DDAH1: variants seen among roughly 807,000 people sequenced by gnomAD.
DDAH1 encodes the protein dimethylarginine dimethylaminohydrolase 1.
Under a neutral mutation model 28.8 loss-of-function variants are expected in DDAH1, and 19 were observed. The ratio of observed to expected loss-of-function variants is 0.66; its 90% CI spans 0.46 to 0.97. DDAH1 has a LOEUF of 0.97. Among genes scored for constraint, DDAH1 ranks in the 50% least tolerant of loss-of-function variants. DDAH1 has a pLI of 0.00. For synonymous variants in DDAH1, 153 were observed against 154.4 expected (o/e 0.99, Z 0.07); for missense variants, 326 against 375.9 (o/e 0.87, Z 1.10).
intron 1 of DDAH1, among the ~76,000 whole-genome samples, chr1:85,539,088 A>C (rs1438591502): frequency 6.6e-6 from 1 of 151,916 alleles, no homozygotes; most frequent in Non-Finnish European, 1.5e-5. Flanking sequence ...CTCTAATATT[A>C]CATGTTTAGT....
intron 1 of DDAH1, among the ~76,000 whole-genome samples, chr1:85,369,319 A>G (rs1650253475): frequency 6.7e-6 from 1 of 149,184 alleles, no homozygotes; most frequent in African/African-American, 2.5e-5. Flanking sequence ...GACTCTCTGT[A>G]TATGTTTACT....
chr1:85,436,503 T>C (rs1653950593), intron 1 of DDAH1, among the ~76,000 whole-genome samples: 1 of 152,216 alleles, frequency 6.6e-6, no homozygotes, highest in Admixed American at 6.5e-5. Context: ...AGAAAGCATG[T>C]ACTGCTGATG....
chr1:85,460,550 G>A (rs922396012), intron 1 of DDAH1, among the ~76,000 whole-genome samples: 1 of 152,134 alleles, frequency 6.6e-6, no homozygotes, highest in Admixed American at 6.5e-5. Flanking sequence ...TAAAATAGCT[G>A]TTAAAAAGGA....
intron 1 of DDAH1, among the ~76,000 whole-genome samples, chr1:85,499,583 G>C (rs939281173): frequency 1.3e-5 from 2 of 151,834 alleles, no homozygotes; most frequent in African/African-American, 2.4e-5. Flanking sequence ...GCTGAGGCAG[G>C]AGAATTGCTT....
chr1:85,379,786 A>C, intron 1 of DDAH1: 1 of 834,000 alleles, frequency 1.2e-6, no homozygotes, highest in Non-Finnish European at 1.4e-6. Context: ...TTAATCACCA[A>C]CCTTGGAATC....
chr1:85,558,321 G>A (rs533699966), intron 1 of DDAH1, among the ~76,000 whole-genome samples: 5 of 152,186 alleles, frequency 3.3e-5, no homozygotes, highest in South Asian at 4.1e-4. Context: ...AAGATCGCAC[G>A]ACTGCACTCC....
At chr1:85,559,701 T>C (rs1659086484) in intron 1 of DDAH1, among the ~76,000 whole-genome samples, 4 of 151,920 alleles carry the variant, frequency 2.6e-5, no homozygotes, top group Admixed American at 1.3e-4. Context: ...AAGATTTCAC[T>C]GGATGAGTGT....
intron 1 of DDAH1, among the ~76,000 whole-genome samples, chr1:85,403,244 T>C (rs12124072): frequency 3.3e-5 from 5 of 150,164 alleles, no homozygotes; most frequent in Admixed American, 1.3e-4. Context: ...TGTGTATATA[T>C]ACACACACAC....
At chr1:85,465,277 G>C, upstream of DDAH1, 4 of 1,017,160 alleles carry the variant, frequency 3.9e-6, no homozygotes, top group Non-Finnish European at 4.8e-6. Flanking sequence ...CGCGGGTCTC[G>C]CGCCAGCCCA....
chr1:85,525,377 T>C (rs1657828410), intron 1 of DDAH1, among the ~76,000 whole-genome samples: 1 of 152,142 alleles, frequency 6.6e-6, no homozygotes, highest in Admixed American at 6.6e-5. Flanking sequence ...TGTTGACACT[T>C]AACTCAGTTG....
intron 1 of DDAH1, among the ~76,000 whole-genome samples, chr1:85,452,224 C>CA (rs1222389796): frequency 6.6e-6 from 1 of 152,208 alleles, no homozygotes; most frequent in African/African-American, 2.4e-5. Context: ...TCTGTTGCTG[C>CA]AAACAACAAA....
intron 1 of DDAH1, among the ~76,000 whole-genome samples, chr1:85,575,230 C>CA (rs923639471): frequency 1.8e-4 from 27 of 151,852 alleles, no homozygotes; most frequent in South Asian, 1.7e-3. Context: ...GACCATGTTA[C>CA]AAAAAAACAA....
intron 1 of DDAH1, among the ~76,000 whole-genome samples, chr1:85,432,477 T>G (rs11161614): frequency 0.18 from 27,205 of 152,152 alleles, 2,850 homozygotes; most frequent in East Asian, 0.26. Context: ...TGTGTATTGT[T>G]TCTGACCAAT....
At chr1:85,551,711 AAG>A (rs1658797618) in intron 1 of DDAH1, among the ~76,000 whole-genome samples, 1 of 152,244 alleles carries the variant, frequency 6.6e-6, no homozygotes, top group Non-Finnish European at 1.5e-5. Flanking sequence ...GTTATGACAG[AAG>A]AGAGAACATC....
chr1:85,510,921 G>A (rs1657202423), intron 1 of DDAH1, among the ~76,000 whole-genome samples: 1 of 152,170 alleles, frequency 6.6e-6, no homozygotes, highest in Non-Finnish European at 1.5e-5. Context: ...ACACCCCACT[G>A]TCAATATTAG....
intron 4 of DDAH1, among the ~76,000 whole-genome samples, chr1:85,341,205 T>C (rs557437153): frequency 3.5e-4 from 53 of 152,366 alleles, no homozygotes; most frequent in African/African-American, 1.0e-3. Context: ...CTCATCCGAC[T>C]CAGTATCCCT....
intron 1 of DDAH1, among the ~76,000 whole-genome samples, chr1:85,543,205 C>T (rs1332657567): frequency 1.3e-5 from 2 of 152,222 alleles, no homozygotes; most frequent in East Asian, 3.8e-4. Context: ...TCTATTTCCT[C>T]TCTCATCTCA....
chr1:85,360,816 A>C (rs1649745443), intron 1 of DDAH1, among the ~76,000 whole-genome samples: 1 of 152,198 alleles, frequency 6.6e-6, no homozygotes, highest in African/African-American at 2.4e-5. Flanking sequence ...AAAATTAAAA[A>C]GTTTTAGAGG....
intron 4 of DDAH1, among the ~76,000 whole-genome samples, chr1:85,342,410 G>C (rs910376695): frequency 5.3e-5 from 8 of 150,612 alleles, no homozygotes; most frequent in African/African-American, 2.0e-4. Flanking sequence ...GTGTGTGTGT[G>C]TGTTGGAGGA....
Sources: gnomAD v4.1 joint callset for allele counts (sites outside exome capture counted in the v4.1 genomes callset) on GRCh38, gnomAD v4.1.1 for gene constraint, MANE v1.5 for transcripts, NCBI Gene and HGNC (gene_info 2026-07-23, HGNC 2026-07-21) for gene names.